The following EYS variants were observed in gnomAD, a reference collection of about 807,000 sequenced individuals.
EYS encodes EGF-like photoreceptor maintenance factor.
In EYS, 250 loss-of-function variants were observed where a neutral mutation model predicts 282.1. That is an observed-to-expected ratio of 0.89 (90% CI 0.80 to 0.98). EYS has a LOEUF of 0.98. EYS is among the 50% of genes least tolerant of loss of function. EYS has a pLI of 0.00. For missense variants in EYS, 4,016 were observed against 3,709.0 expected (o/e 1.08, Z -2.15); for synonymous variants, 1,355 against 1,282.9 (o/e 1.06, Z -1.20).
intron 12 of EYS, among the ~76,000 whole-genome samples, chr6:65,241,166 T>A (rs956824162): frequency 1.5e-4 from 23 of 152,190 alleles, no homozygotes; most frequent in African/African-American, 5.5e-4. Context: ...TTTTCACTGA[T>A]TCAGTCTTCT....
chr6:64,651,631 C>T (rs905535085), intron 22 of EYS, among the ~76,000 whole-genome samples: 7 of 152,052 alleles, frequency 4.6e-5, no homozygotes, highest in Middle Eastern at 3.2e-3. Context: ...TGCCATTAGC[C>T]GAGACCGCGC....
In EYS at chr6:65,006,714, T is replaced by C. The variant is rs571814058; in HGVS notation, c.2138-9011A>G. 2.6e-5 allele frequency among the ~76,000 whole-genome samples: 4 copies of C among 152,296 alleles called. No individual in the cohort carries two copies. In the East Asian group the frequency reaches 5.8e-4, roughly 22 times the overall value. On this transcript the variant is annotated intron_variant, in intron 13 of 42. Transcript: ENST00000503581. ...ACTCCCTTCAGGACAGGATGATAGA[T>C]GGTTCCTCCCAGGTGATTGAGGAAA...
chr6:64,095,802 G>A (rs1305490973), intron 31 of EYS, among the ~76,000 whole-genome samples: 1 of 152,138 alleles, frequency 6.6e-6, no homozygotes, highest in Non-Finnish European at 1.5e-5. Context: ...TCATTATGAT[G>A]TTAGCTGCTT....
chr6:64,543,840 C>T (rs867551139), intron 26 of EYS, among the ~76,000 whole-genome samples: 35 of 152,116 alleles, frequency 2.3e-4, no homozygotes, highest in African/African-American at 7.0e-4. Flanking sequence ...TACATTCATA[C>T]GAAAACTAAA....
At chr6:65,383,932 C>G (rs1002886125) in intron 8 of EYS, among the ~76,000 whole-genome samples, 8 of 151,772 alleles carry the variant, frequency 5.3e-5, no homozygotes, top group African/African-American at 1.9e-4. Flanking sequence ...GACATACCTA[C>G]AAGTAACATT....
chr6:63,863,864 C>T (rs1354243537), intron 36 of EYS, among the ~76,000 whole-genome samples: 1 of 151,642 alleles, frequency 6.6e-6, no homozygotes, highest in Non-Finnish European at 1.5e-5. Flanking sequence ...TTAGTAGAGA[C>T]GGGGTTTCAC....
intron 14 of EYS, among the ~76,000 whole-genome samples, chr6:64,946,191 T>C (rs184324023): frequency 4.5e-4 from 68 of 152,172 alleles, no homozygotes; most frequent in South Asian, 1.9e-3. Flanking sequence ...AGAATTATCA[T>C]CTTTGTTAAA....
chr6:64,968,731 T>C (rs1023773114), intron 14 of EYS, among the ~76,000 whole-genome samples: 9 of 152,156 alleles, frequency 5.9e-5, no homozygotes, highest in Non-Finnish European at 1.0e-4. Context: ...GTGGTTGCCA[T>C]GGTGTGCCCC....
chr6:65,042,879 C>T (rs532855501), intron 13 of EYS, among the ~76,000 whole-genome samples: 61 of 150,860 alleles, frequency 4.0e-4, no homozygotes, highest in Middle Eastern at 3.4e-3. Flanking sequence ...TATATGTTTA[C>T]GAGATACTTT....
intron 12 of EYS, among the ~76,000 whole-genome samples, chr6:65,142,479 A>AACACACACACACACACACACAC (rs71268364): frequency 1.5e-5 from 2 of 134,932 alleles, no homozygotes; most frequent in African/African-American, 2.8e-5. Flanking sequence ...AGAAATACAA[A>AACACACACACACACACACACAC]ACACACACAC....
chr6:64,297,764 G>A (rs1344522605), intron 30 of EYS, among the ~76,000 whole-genome samples: 1 of 152,096 alleles, frequency 6.6e-6, no homozygotes, highest in African/African-American at 2.4e-5. Flanking sequence ...TATCACCTGA[G>A]GTCAGGTGCT....
rs968000667 is a variant in EYS at position 63,720,766 on chromosome 6, C to T, written c.9265G>A (p.Gly3089Ser). The change falls in exon 43 of 43, where the codon GGC becomes AGC. Residue 3089 changes from glycine to serine, a missense_variant. By Grantham distance (56) the Gly-to-Ser change is moderately conservative. Transcript: ENST00000503581. ...LNYDGICYLG[G>S]FEYGRKVNIV... ...TTTACCTTTCTACCATATTCAAAGC[C>T]CCCTAGATAACAAATGCCATCATAG... 2.6e-6 allele frequency: 4 copies of T among 1,550,492 alleles called. No individual in the cohort carries two copies. In the African/African-American group the frequency reaches 5.5e-5, roughly 21 times the overall value.
intron 31 of EYS, among the ~76,000 whole-genome samples, chr6:64,118,748 A>G (rs1773473317): frequency 6.6e-6 from 1 of 152,148 alleles, no homozygotes; most frequent in Non-Finnish European, 1.5e-5. Flanking sequence ...TGAAGAGACA[A>G]TCTGTAGAAG....
intron 5 of EYS, among the ~76,000 whole-genome samples, chr6:65,474,419 A>G (rs1331264474): frequency 6.6e-6 from 1 of 152,110 alleles, no homozygotes; most frequent in Non-Finnish European, 1.5e-5. Flanking sequence ...CCTTTATCCT[A>G]AATGAGCTTC....
chr6:65,376,349 C>T (rs1021016515), intron 8 of EYS, among the ~76,000 whole-genome samples: 2 of 152,066 alleles, frequency 1.3e-5, no homozygotes, highest in Non-Finnish European at 2.9e-5. Context: ...GACCACCAGG[C>T]TTGACTTACA....
intron 12 of EYS, among the ~76,000 whole-genome samples, chr6:65,259,565 G>A (rs953137451): frequency 2.6e-5 from 4 of 152,052 alleles, no homozygotes; most frequent in African/African-American, 9.7e-5. Context: ...ACATTAAATA[G>A]ATGAAATGTT....
chr6:64,979,302 T>C (rs1167822422), intron 14 of EYS, among the ~76,000 whole-genome samples: 4 of 151,726 alleles, frequency 2.6e-5, no homozygotes, highest in Non-Finnish European at 5.9e-5. Flanking sequence ...AAGATGAAAA[T>C]AAATTTTTCC....
intron 37 of EYS, among the ~76,000 whole-genome samples, chr6:63,796,228 G>A (rs573732471): frequency 2.0e-5 from 3 of 152,278 alleles, no homozygotes; most frequent in South Asian, 2.1e-4. Flanking sequence ...TGCTTAGGGC[G>A]TACCCCAGAA....
chr6:65,331,826 T>G (rs1461682419), intron 11 of EYS: 1 of 599,262 alleles, frequency 1.7e-6, no homozygotes, highest in East Asian at 1.4e-4. Context: ...GAAGCACATA[T>G]CAGTAATTCA....
Sources: gnomAD v4.1 joint callset for allele counts (sites outside exome capture counted in the v4.1 genomes callset) on GRCh38, gnomAD v4.1.1 for gene constraint, MANE v1.5 for transcripts, NCBI Gene and HGNC (gene_info 2026-07-23, HGNC 2026-07-21) for gene names.